DGAT2: variants seen among roughly 807,000 people sequenced by gnomAD.
DGAT2 encodes diacylglycerol O-acyltransferase 2.
A neutral mutation model predicts 48.4 loss-of-function variants in DGAT2; 33 were observed. The observed-to-expected ratio is 0.68, with a 90% CI of 0.52 to 0.91. DGAT2 has a LOEUF of 0.91. DGAT2 is among the 40% of genes least tolerant of loss of function. The pLI is 0.00. For missense variants in DGAT2, 446 were observed against 493.7 expected (o/e 0.90, Z 0.92); for synonymous variants, 191 against 194.1 (o/e 0.98, Z 0.13).
intron 1 of DGAT2, chr11:75,776,593 G>A (rs1217969793): frequency 6.6e-6 from 1 of 152,234 alleles, no homozygotes; most frequent in Non-Finnish European, 1.5e-5. Context: ...AGGCACTGCA[G>A]TGAAGTCCCT....
rs763953250 is a variant in DGAT2 at position 75,798,337 on chromosome 11, T to C, written c.920T>C (p.Ile307Thr). ...GTCCAGAAGAAGTTCCAGAAATACATTGGTTTCGCCCCATGCATCTTCCAT... is the reference window on the plus strand; with the variant it reads ...GTCCAGAAGAAGTTCCAGAAATACACTGGTTTCGCCCCATGCATCTTCCAT... The part of the protein sequence containing the change: ...RWVQKKFQKY[I>T]GFAPCIFHGR... The change falls in exon 7 of 8, where the codon ATT becomes ACT. Residue 307 changes from isoleucine (I) to threonine (T), a missense_variant. Transcript: ENST00000228027. 1.2e-5 allele frequency: 20 copies of C among 1,614,156 alleles called. No homozygotes were observed. The East Asian group carries it at 1.8e-4, about 14-fold the overall frequency.
At chr11:75,780,712 A>G (rs1277300240) in intron 1 of DGAT2, among the ~76,000 whole-genome samples, 1 of 152,216 alleles carries the variant, frequency 6.6e-6, no homozygotes, top group Non-Finnish European at 1.5e-5. Flanking sequence ...GACATGCAAC[A>G]TCGGAGCAGA....
intron 4 of DGAT2, among the ~76,000 whole-genome samples, chr11:75,791,384 C>T (rs1415176955): frequency 6.6e-6 from 1 of 152,202 alleles, no homozygotes; most frequent in Non-Finnish European, 1.5e-5. Context: ...GCCCAGTCTT[C>T]CCGGGACCTT....
At chr11:75,790,066 C>T (rs1402744253) in intron 2 of DGAT2, 122 bp from the exon 3 acceptor site, 4 of 736,428 alleles carry the variant, frequency 5.4e-6, no homozygotes, top group South Asian at 3.2e-5. Flanking sequence ...GTTTGTGGGC[C>T]CCATGCCCAT....
intron 2 of DGAT2, among the ~76,000 whole-genome samples, chr11:75,789,975 C>T (rs59635776): frequency 0.023 from 3,487 of 152,318 alleles, 146 homozygotes; most frequent in African/African-American, 0.08. Context: ...GACAGTCCAT[C>T]AGAGTCTGGG....
Position 75,800,527 on chromosome 11 carries a change from T to C in DGAT2, c.*19T>C, listed in dbSNP as rs3060. The C allele has an allele frequency of 0.12, 191,361 of 1,611,350 alleles. 17,817 individuals are homozygous for C. The highest frequency in any genetic ancestry group is 0.47 in the African/African-American group (35,565 of 74,912). ...GAACTGAGCCAGCCTTCGGGGCCAA[T>C]TCCCTGGAGGAACCAGCTGCAAATC... On this transcript the variant is annotated 3_prime_UTR_variant, in exon 8 of 8. Coordinates refer to ENST00000228027, the MANE Select transcript of DGAT2 (RefSeq NM_032564.5).
At chr11:75,790,614 C>T in intron 3 of DGAT2, 47 bp from the exon 4 acceptor site, 5 of 1,592,212 alleles carry the variant, frequency 3.1e-6, no homozygotes, top group Non-Finnish European at 4.3e-6. Context: ...CTGCCTTGCC[C>T]AAATGTACCC....
At chr11:75,796,164 G>A (rs994490737) in intron 4 of DGAT2, 164 bp from the exon 5 acceptor site, 11 of 668,596 alleles carry the variant, frequency 1.6e-5, no homozygotes, top group African/African-American at 1.4e-4. Flanking sequence ...CCAGCACTGT[G>A]GCCCTGGGGA....
At chr11:75,770,798 A>G (rs1480749354) in intron 1 of DGAT2, among the ~76,000 whole-genome samples, 3 of 150,490 alleles carry the variant, frequency 2.0e-5, no homozygotes, top group Non-Finnish European at 4.4e-5. Flanking sequence ...GATCTTGAAA[A>G]CTTTTTTTTT....
rs567412937 is a variant in DGAT2 at position 75,786,589 on chromosome 11, G to A, written c.250+1843G>A. ...CAGACCCAACCACAGCCCAGAAACC[G>A]GCCCAGCATCTTCTCAACACCCTCG... On this transcript the variant is annotated intron_variant, in intron 2 of 7. Transcript: ENST00000228027. 6.6e-5 allele frequency among the ~76,000 whole-genome samples: 10 copies of A among 152,268 alleles called. No individual in the cohort carries two copies. In the East Asian group the frequency reaches 1.9e-3, roughly 29 times the overall value.
Position 75,798,316 on chromosome 11 carries a change from A to T in DGAT2, c.899A>T (p.Gln300Leu). Residue 300 changes from glutamine to leucine, a missense_variant, in exon 7 of 8, where the codon CAG (glutamine) becomes CTG (leucine). Transcript: ENST00000228027. ...GAGGGCTCCTGGGGCCGATGGGTCC[A>T]GAAGAAGTTCCAGAAATACATTGGT... ...FEEGSWGRWV[Q>L]KKFQKYIGFA... 1 of 1,614,224 alleles carries T rather than the reference A, an allele frequency of 6.2e-7. No homozygotes were observed. The highest frequency in any genetic ancestry group is 8.5e-7 in the Non-Finnish European group (1 of 1,180,034).
chr11:75,790,714 G>C lies in DGAT2; in HGVS notation c.412G>C (p.Asp138His). ...CTGGGCTGTGTGGCGCTACTTTCGA[G>C]ACTACTTTCCCATCCAGGTAAAGTG... Reference protein sequence around the residue: ...RNWAVWRYFRDYFPIQLVKTH... With the variant: ...RNWAVWRYFRHYFPIQLVKTH... The change falls in exon 4 of 8, where the codon GAC becomes CAC. Residue 138 changes from aspartate to histidine, a missense_variant. By Grantham distance (81) the Asp-to-His change is moderately conservative (BLOSUM62 -1). Transcript: ENST00000228027. 5 of 1,614,204 alleles carry C rather than the reference G, an allele frequency of 3.1e-6. No individual in the cohort carries two copies. The highest frequency in any genetic ancestry group is 3.4e-6 in the Non-Finnish European group (4 of 1,180,036).
intron 1 of DGAT2, among the ~76,000 whole-genome samples, chr11:75,781,683 C>T (rs1944865601): frequency 2.6e-5 from 4 of 152,144 alleles, no homozygotes; most frequent in Admixed American, 6.5e-5. Flanking sequence ...GTTGGCAGAG[C>T]GAGCTGTGGG....
chr11:75,798,283 T>C lies in DGAT2; in HGVS notation c.866T>C (p.Ile289Thr). 1 of 1,614,176 alleles carries C rather than the reference T, an allele frequency of 6.2e-7. No homozygotes were observed. The change falls in exon 7 of 8, where the codon ATC (isoleucine) becomes ACC (threonine). Residue 289 changes from isoleucine (I) to threonine (T), a missense_variant. Transcript: ENST00000228027. ...FGENEVYKQVIFEEGSWGRWV... is the reference protein window; with the variant it reads ...FGENEVYKQVTFEEGSWGRWV... The stretch of plus-strand genomic sequence containing the variant: ...GAGAATGAAGTGTACAAGCAGGTGA[T>C]CTTCGAGGAGGGCTCCTGGGGCCGA...
chr11:75,772,167 G>A (rs567323160), intron 1 of DGAT2, among the ~76,000 whole-genome samples: 17 of 152,224 alleles, frequency 1.1e-4, no homozygotes, highest in Middle Eastern at 3.4e-3. Flanking sequence ...TCCATGGTGC[G>A]GGTGGCAGCT....
intron 7 of DGAT2, among the ~76,000 whole-genome samples, chr11:75,800,086 C>T (rs1175674660): frequency 1.3e-5 from 2 of 152,144 alleles, no homozygotes; most frequent in Non-Finnish European, 2.9e-5. Flanking sequence ...TCTCATAGAC[C>T]CTCCTAGCAG....
At chr11:75,772,132 G>A (rs563534741) in intron 1 of DGAT2, among the ~76,000 whole-genome samples, 2 of 152,312 alleles carry the variant, frequency 1.3e-5, no homozygotes, top group South Asian at 4.1e-4. Context: ...GTGCTCAGTG[G>A]TTTGCTGAAT....
At position 75,800,552 on chromosome 11, in the gene DGAT2, C is replaced by A. The variant is rs757009480; in HGVS notation, c.*44C>A. On this transcript the variant is annotated 3_prime_UTR_variant, in exon 8 of 8. Coordinates refer to ENST00000228027, the MANE Select transcript of DGAT2 (RefSeq NM_032564.5). ...TTCCCTGGAGGAACCAGCTGCAAAT[C>A]ACTTTTTTGCTCTGTAAATTTGGAA... 2 of 1,595,652 alleles carry A rather than the reference C, an allele frequency of 1.3e-6. No individual in the cohort carries two copies. The highest frequency in any genetic ancestry group is 2.3e-5 in the South Asian group (2 of 88,446).
At chr11:75,786,243 A>G (rs1440588664) in intron 2 of DGAT2, among the ~76,000 whole-genome samples, 1 of 152,174 alleles carries the variant, frequency 6.6e-6, no homozygotes, top group Non-Finnish European at 1.5e-5. Context: ...GCCACTTACT[A>G]GAATCCTAGA....
Sources: allele counts gnomAD v4.1 joint callset (sites outside exome capture counted in the v4.1 genomes callset), GRCh38; gene constraint gnomAD v4.1.1; transcripts MANE v1.5; gene names NCBI Gene and HGNC (gene_info 2026-07-23, HGNC 2026-07-21).